Variants in MARCHF7 observed in about 807,000 individuals in gnomAD.
MARCHF7 encodes the protein E3 ubiquitin-protein ligase MARCHF7.
MARCHF7 carries 20 observed loss-of-function variants against 76.5 expected under a neutral mutation model. That is an observed-to-expected ratio of 0.26 (90% CI 0.18 to 0.38). The LOEUF (loss-of-function observed/expected upper bound fraction) is 0.38, where lower values mean the gene tolerates loss of function less well. Ranked by LOEUF, MARCHF7 falls within the 10% of genes least tolerant of loss-of-function variation. The pLI, the probability that MARCHF7 is intolerant of heterozygous loss-of-function variation, is 1.00. For synonymous variants in MARCHF7, 295 were observed against 293.0 expected, an observed-to-expected ratio of 1.01 and a Z score of -0.07; for missense variants, 797 against 812.9, an observed-to-expected ratio of 0.98 and a Z score of 0.24.
intron 9 of MARCHF7, among the ~76,000 whole-genome samples, chr2:159,760,865 C>T (rs928493685): frequency 3.0e-4 from 46 of 152,054 alleles, no homozygotes; most frequent in African/African-American, 1.0e-3. Context: ...ATTGTAAAAA[C>T]AGTGACAGCC....
intron 11 of MARCHF7, among the ~76,000 whole-genome samples, chr2:159,765,098 A>G (rs779492852): frequency 4.1e-4 from 62 of 152,226 alleles, no homozygotes; most frequent in Admixed American, 1.5e-3. Context: ...GGGCTTACCT[A>G]TGATTCCAGG....
rs748897378 is a variant in MARCHF7 at position 159,713,421 on chromosome 2, C to T, written c.-143+815C>T. 5.9e-5 allele frequency among the ~76,000 whole-genome samples: 9 copies of T among 152,110 alleles called. No homozygotes were observed. In the East Asian group the frequency reaches 1.2e-3, roughly 20 times the overall value. Reference sequence around the variant, plus strand: ...GGAAAGTCTATCTGGGTAATAAATTCGTCACGACTAATGTTGTTTGTTACT... The same window carrying T: ...GGAAAGTCTATCTGGGTAATAAATTTGTCACGACTAATGTTGTTTGTTACT... On this transcript the variant is annotated intron_variant, in intron 1 of 11. Transcript: ENST00000409175.
intron 4 of MARCHF7, 102 bp from the exon 5 acceptor site, chr2:159,742,959 G>T: frequency 1.9e-6 from 2 of 1,057,906 alleles, no homozygotes; most frequent in Non-Finnish European, 2.8e-6. Context: ...GAACTACGTG[G>T]TAGAAAAATT....
At chr2:159,715,573 T>A (rs1700943359) in intron 2 of MARCHF7, 108 bp from the exon 3 acceptor site, 1 of 152,140 alleles carries the variant, frequency 6.6e-6, no homozygotes. Context: ...CTCCAACTCC[T>A]TAGCTCAAGG....
chr2:159,742,814 G>C (rs1704301441), intron 4 of MARCHF7, among the ~76,000 whole-genome samples: 1 of 152,118 alleles, frequency 6.6e-6, no homozygotes, highest in Non-Finnish European at 1.5e-5. Flanking sequence ...GCACACACCT[G>C]TAATGCCAGC....
chr2:159,768,546 G>A lies in MARCHF7; in HGVS notation c.*1204G>A, dbSNP rs899449461. The stretch of plus-strand genomic sequence containing the variant: ...GTTTGTTGGTCTTATGTAAAACATT[G>A]GCTCAAAATAAAGTACACACTGATT... On this transcript the variant is annotated 3_prime_UTR_variant, in exon 12 of 12. Transcript: ENST00000409175. 1 of 152,512 alleles carries A rather than the reference G, an allele frequency of 6.6e-6. No homozygotes were observed. Among genetic ancestry groups the A allele is most frequent in the Non-Finnish European group, 1.5e-5 (1 of 67,990 alleles). 9.4% of individuals were successfully genotyped at this position (152,512 alleles called of 1,614,324 possible).
At chr2:159,713,431 A>G (rs1447783404) in intron 1 of MARCHF7, among the ~76,000 whole-genome samples, 2 of 152,176 alleles carry the variant, frequency 1.3e-5, no homozygotes, top group African/African-American at 4.8e-5. Context: ...CGTCACGACT[A>G]ATGTTGTTTG....
At position 159,729,006 on chromosome 2, in the gene MARCHF7, C is replaced by T. The variant is rs371321572; in HGVS notation, c.-14-3C>T. 1.2e-4 allele frequency: 177 copies of T among 1,534,420 alleles called. No homozygotes were observed. In the Middle Eastern group the frequency reaches 2.0e-3, roughly 17 times the overall value. On this transcript the variant is annotated splice_polypyrimidine_tract_variant and splice_region_variant and intron_variant, in intron 3 of 11. Transcript: ENST00000409175. ...GCAATTAATGAAAATTTTTATTTCACAGAAAAATCTTTAAGAATGGAGTCT... is the reference window on the plus strand; with the variant it reads ...GCAATTAATGAAAATTTTTATTTCATAGAAAAATCTTTAAGAATGGAGTCT...
chr2:159,748,524 A>T lies in MARCHF7; in HGVS notation c.1234A>T (p.Ile412Leu), dbSNP rs753970601. ...RREGRDESSR[I>L]PTSDTSSRSH... is the part of the protein sequence containing the mutation. ...AGAGGGAAGAGATGAATCTTCAAGG[A>T]TACCTACCTCTGATACATCATCTAG... Residue 412 changes from isoleucine to leucine, a missense_variant, in exon 7 of 12, where the codon ATA (isoleucine) becomes TTA (leucine). Ile to Leu is a conservative substitution (Grantham distance 5, BLOSUM62 2). This residue lies in a region of MARCHF7 where 643 missense variants were observed against 631.5 expected (regional missense o/e 1.02). Transcript: ENST00000409175. 1 of 1,614,028 alleles carries T rather than the reference A, an allele frequency of 6.2e-7. No homozygotes were observed. The highest frequency in any genetic ancestry group is 1.3e-5 in the African/African-American group (1 of 74,934).
intron 4 of MARCHF7, among the ~76,000 whole-genome samples, chr2:159,737,472 C>T (rs1250274517): frequency 6.6e-6 from 1 of 152,180 alleles, no homozygotes; most frequent in Admixed American, 6.5e-5. Context: ...TTAACACCCA[C>T]TAGCATAGCC....
intron 3 of MARCHF7, among the ~76,000 whole-genome samples, chr2:159,723,869 T>C (rs1304209816): frequency 6.6e-6 from 1 of 150,636 alleles, no homozygotes; most frequent in Non-Finnish European, 1.5e-5. Flanking sequence ...CAATGAGATG[T>C]AGTTTCCATG....
At chr2:159,743,974 CTTTT>C (rs1170864400) in intron 5 of MARCHF7, among the ~76,000 whole-genome samples, 1 of 60,598 alleles carries the variant, frequency 1.7e-5, no homozygotes, top group Non-Finnish European at 3.4e-5. Flanking sequence ...AGTAGGAGTT[CTTTT>C]TTTTTTTTTT....
At chr2:159,713,771 A>G (rs953383847) in intron 1 of MARCHF7, among the ~76,000 whole-genome samples, 2 of 152,214 alleles carry the variant, frequency 1.3e-5, no homozygotes, top group Admixed American at 1.3e-4. Context: ...CACCAGACTC[A>G]GAAGACCTGG....
intron 3 of MARCHF7, among the ~76,000 whole-genome samples, chr2:159,721,005 G>A (rs1574195471): frequency 2.0e-5 from 3 of 151,580 alleles, no homozygotes; most frequent in African/African-American, 4.9e-5. Context: ...TTACAGGCGC[G>A]AGCCACCACA....
Position 159,764,210 on chromosome 2 carries a change from T to G in MARCHF7, c.2008-416T>G, listed in dbSNP as rs979459189. On this transcript the variant is annotated intron_variant, in intron 10 of 11. Coordinates refer to ENST00000409175, the MANE Select transcript of MARCHF7 (RefSeq NM_001282805.2). ...GTAGGAAAATATTGGTTCTTGGGAG[T>G]TTTGTGTGTGTGTGTGTGTGTGTGT... Among the ~76,000 whole-genome samples, 13 of 103,390 alleles carry G rather than the reference T, an allele frequency of 1.3e-4. No homozygotes were observed. In the East Asian group the frequency reaches 3.5e-3, roughly 28 times the overall value. The allele number at this position is 103,390 out of a possible 152,430, so 67.8% of individuals were successfully genotyped here. A position where few individuals can be genotyped will look rare whatever the true frequency, so the allele number is the denominator to read the frequency against.
chr2:159,716,795 T>TA (rs1471588536), intron 3 of MARCHF7, among the ~76,000 whole-genome samples: 1 of 152,202 alleles, frequency 6.6e-6, no homozygotes, highest in African/African-American at 2.4e-5. Flanking sequence ...TAGACTCAGT[T>TA]AAAATCAGAG....
Position 159,770,495 on chromosome 2 carries a change from G to A in MARCHF7, c.*3153G>A, listed in dbSNP as rs182059086. On this transcript the variant is annotated 3_prime_UTR_variant, in exon 12 of 12. Transcript: ENST00000409175. The stretch of plus-strand genomic sequence containing the variant: ...CTGGAACTTTGTTGCCATTAGTCAA[G>A]CTAGTGAGATAGTATATCTATCTAT... The A allele has an allele frequency of 4.3e-4, 66 of 152,280 alleles. No homozygotes were observed. Among genetic ancestry groups the A allele is most frequent in the African/African-American group, 1.4e-3 (60 of 41,554 alleles). 9.4% of individuals were successfully genotyped at this position (152,280 alleles called of 1,614,324 possible).
At position 159,757,264 on chromosome 2, in the gene MARCHF7, C is replaced by T. The variant is rs185734995; in HGVS notation, c.1784-1962C>T. 8.5e-4 allele frequency among the ~76,000 whole-genome samples: 130 copies of T among 152,272 alleles called. No homozygotes were observed. The Middle Eastern group carries it at 0.014, about 16-fold the overall frequency. On this transcript the variant is annotated intron_variant, in intron 8 of 11. Coordinates refer to ENST00000409175, the MANE Select transcript of MARCHF7 (RefSeq NM_001282805.2). ...TATGGCCAATTGAATGTATAGGTCTCAGCAACTGAACTTTCCTGATAGGCA... is the reference window on the plus strand; with the variant it reads ...TATGGCCAATTGAATGTATAGGTCTTAGCAACTGAACTTTCCTGATAGGCA...
chr2:159,749,258 A>G (rs922551601), intron 7 of MARCHF7, among the ~76,000 whole-genome samples: 16 of 152,034 alleles, frequency 1.1e-4, no homozygotes, highest in African/African-American at 3.4e-4. Flanking sequence ...GATTACAGGC[A>G]TGAGCCACTG....
Sources: allele counts gnomAD v4.1 joint callset (sites outside exome capture counted in the v4.1 genomes callset), GRCh38; gene constraint gnomAD v4.1.1; regional missense constraint gnomAD v4.1.1; transcripts MANE v1.5; gene names NCBI Gene and HGNC (gene_info 2026-07-23, HGNC 2026-07-21).